Variants in CPNE8 observed in about 807,000 individuals in gnomAD.
CPNE8 encodes the protein copine 8, also known as copine-8.
Under a neutral mutation model 81.5 loss-of-function variants are expected in CPNE8, and 45 were observed. The ratio of observed to expected loss-of-function variants is 0.55; its 90% CI spans 0.44 to 0.71. The LOEUF (loss-of-function observed/expected upper bound fraction) is 0.71. Ranked by LOEUF, CPNE8 falls within the 30% of genes least tolerant of loss-of-function variation. The pLI, the probability that CPNE8 is intolerant of heterozygous loss-of-function variation, is 0.00. For synonymous variants in CPNE8, 252 were observed against 226.3 expected (o/e 1.11, Z -1.02); for missense variants, 594 against 672.1 (o/e 0.88, Z 1.28).
intron 1 of CPNE8, among the ~76,000 whole-genome samples, chr12:38,896,790 T>G (rs1293467511): frequency 6.6e-6 from 1 of 152,136 alleles, no homozygotes; most frequent in Non-Finnish European, 1.5e-5. Context: ...TGGGATAACA[T>G]GCAGCTTTAT....
chr12:38,768,557 G>T (rs574577160), intron 7 of CPNE8, among the ~76,000 whole-genome samples: 1 of 134,986 alleles, frequency 7.4e-6, no homozygotes, highest in South Asian at 2.3e-4. Flanking sequence ...GTCTTGCTCT[G>T]TCACCAGGCT....
At chr12:38,728,161 C>T (rs1411216046) in intron 11 of CPNE8, among the ~76,000 whole-genome samples, 1 of 152,096 alleles carries the variant, frequency 6.6e-6, no homozygotes, top group African/African-American at 2.4e-5. Flanking sequence ...CATTCAACAA[C>T]AACAAAAATA....
intron 3 of CPNE8, among the ~76,000 whole-genome samples, chr12:38,851,468 A>C (rs1943645467): frequency 6.6e-6 from 1 of 152,228 alleles, no homozygotes; most frequent in South Asian, 2.1e-4. Context: ...GAAAGTCATC[A>C]ATCTCAAGTC....
At chr12:38,782,023 G>A (rs1468691875) in intron 6 of CPNE8, among the ~76,000 whole-genome samples, 17 of 152,092 alleles carry the variant, frequency 1.1e-4, no homozygotes, top group Admixed American at 1.1e-3. Flanking sequence ...AGTGAAAAAT[G>A]AGTGAAATTC....
Position 38,886,298 on chromosome 12 carries a change from A to G in CPNE8, c.99-11787T>C, listed in dbSNP as rs551349472. On this transcript the variant is annotated intron_variant, in intron 1 of 19. Transcript: ENST00000331366. ...GCTTCAGTTTTCTTATCTGTAAAAA[A>G]GGAGATGATCATAGTATCCTCCTCA... 9.8e-5 allele frequency among the ~76,000 whole-genome samples: 15 copies of G among 152,322 alleles called. No individual in the cohort carries two copies. The South Asian group carries it at 3.1e-3, about 32-fold the overall frequency.
At chr12:38,724,620 C>A (rs1271556664) in intron 12 of CPNE8, among the ~76,000 whole-genome samples, 1 of 152,080 alleles carries the variant, frequency 6.6e-6, no homozygotes, top group Non-Finnish European at 1.5e-5. Flanking sequence ...CTTGCAGCCC[C>A]TAGGATAATC....
intron 3 of CPNE8, among the ~76,000 whole-genome samples, chr12:38,858,370 C>G (rs768199400): frequency 6.6e-6 from 1 of 152,160 alleles, no homozygotes; most frequent in Non-Finnish European, 1.5e-5. Context: ...TGGTGTTAAA[C>G]AACAACTTTT....
chr12:38,867,159 C>T (rs1344231174), intron 3 of CPNE8, among the ~76,000 whole-genome samples: 1 of 152,052 alleles, frequency 6.6e-6, no homozygotes, highest in African/African-American at 2.4e-5. Context: ...GCACCTGGCC[C>T]TGAACACCTT....
chr12:38,876,775 CAA>C (rs1944073422), intron 1 of CPNE8, among the ~76,000 whole-genome samples: 1 of 151,982 alleles, frequency 6.6e-6, no homozygotes, highest in African/African-American at 2.4e-5. Context: ...GTTGAATTCC[CAA>C]AAGACTACTT....
intron 1 of CPNE8, among the ~76,000 whole-genome samples, chr12:38,881,551 C>T (rs1944158433): frequency 2.6e-5 from 4 of 152,148 alleles, no homozygotes; most frequent in African/African-American, 9.7e-5. Context: ...CTTATTACTA[C>T]TGTTAAGCTG....
intron 2 of CPNE8, 61 bp downstream of exon 2, chr12:38,874,410 A>G: frequency 1.7e-6 from 2 of 1,202,562 alleles, no homozygotes; most frequent in Non-Finnish European, 2.5e-6. Flanking sequence ...AAGAACTATG[A>G]GTTTCCTACA....
intron 6 of CPNE8, among the ~76,000 whole-genome samples, chr12:38,785,655 A>C (rs1942166959): frequency 6.6e-6 from 1 of 152,224 alleles, no homozygotes; most frequent in Admixed American, 6.5e-5. Context: ...GAGTCAATTA[A>C]ACTTCTTTCC....
At chr12:38,854,847 C>T (rs992078959) in intron 3 of CPNE8, among the ~76,000 whole-genome samples, 1 of 152,052 alleles carries the variant, frequency 6.6e-6, no homozygotes, top group Non-Finnish European at 1.5e-5. Flanking sequence ...AGGAACAAGA[C>T]AAGGATGCCC....
intron 19 of CPNE8, among the ~76,000 whole-genome samples, chr12:38,660,043 G>A: frequency 6.6e-6 from 1 of 152,244 alleles, no homozygotes; most frequent in Admixed American, 6.5e-5. Context: ...TACTGCCCAA[G>A]GCAATTTATA....
chr12:38,676,165 T>C (rs1156982494), intron 17 of CPNE8: 5 of 512,004 alleles, frequency 9.8e-6, no homozygotes, highest in Non-Finnish European at 1.0e-5. Context: ...GAAGCAAATA[T>C]AACCAGAGTT....
At chr12:38,773,442 T>G (rs1422927954) in intron 7 of CPNE8, among the ~76,000 whole-genome samples, 1 of 152,092 alleles carries the variant, frequency 6.6e-6, no homozygotes, top group African/African-American at 2.4e-5. Context: ...CATCATGATG[T>G]ATACATTAAA....
At chr12:38,797,758 A>G (rs1177190635) in intron 6 of CPNE8, among the ~76,000 whole-genome samples, 1 of 152,144 alleles carries the variant, frequency 6.6e-6, no homozygotes, top group Non-Finnish European at 1.5e-5. Context: ...TCCGAGCTAA[A>G]GGAGGAAGTT....
In CPNE8 at chr12:38,702,857, G is replaced by C; in HGVS notation, c.961+18C>G. The C allele has an allele frequency of 1.4e-6, 2 of 1,455,744 alleles. No individual in the cohort carries two copies. The highest frequency in any genetic ancestry group is 1.9e-6 in the Non-Finnish European group (2 of 1,074,118). 90.2% of individuals were successfully genotyped at this position (1,455,744 alleles called of 1,614,324 possible). ...TAATTGCTGATGATTTTTATCAGGG[G>C]ATAATCAAAACACTCACCGTTTGAT... On this transcript the variant is annotated intron_variant, in intron 14 of 19. Transcript: ENST00000331366.
intron 3 of CPNE8, among the ~76,000 whole-genome samples, chr12:38,870,158 G>C (rs1194189637): frequency 6.6e-6 from 1 of 152,224 alleles, no homozygotes; most frequent in African/African-American, 2.4e-5. Context: ...AGAGGATGTG[G>C]AGAAAATAGG....
Sources: gnomAD v4.1 joint callset for allele counts (sites outside exome capture counted in the v4.1 genomes callset) on GRCh38, gnomAD v4.1.1 for gene constraint, MANE v1.5 for transcripts, NCBI Gene and HGNC (gene_info 2026-07-23, HGNC 2026-07-21) for gene names.